The following SHANK2 variants were observed in gnomAD, a reference collection of about 807,000 sequenced individuals.
The protein encoded by SHANK2 is SH3 and multiple ankyrin repeat domains protein 2.
In SHANK2, 43 loss-of-function variants were observed where a neutral mutation model predicts 133.7. The ratio of observed to expected loss-of-function variants is 0.32; its 90% confidence interval spans 0.25 to 0.41. SHANK2 has a LOEUF of 0.41. SHANK2 is among the 10% of genes least tolerant of loss of function. SHANK2 has a pLI of 1.00. For synonymous variants in SHANK2, 1,017 were observed against 952.8 expected (o/e 1.07, Z -1.24); for missense variants, 1,994 against 2,235.8 (o/e 0.89, Z 2.18).
intron 9 of SHANK2, among the ~76,000 whole-genome samples, chr11:71,065,044 C>T (rs938940767): frequency 2.0e-5 from 3 of 152,076 alleles, no homozygotes; most frequent in Non-Finnish European, 4.4e-5. Context: ...AGTGCAGACG[C>T]CGAGAGATGC....
In SHANK2 at chr11:70,914,668, TAAATAAAATAAAATA is replaced by T. The variant is rs370532876; in HGVS notation, c.1108-18116_1108-18102del. Among the ~76,000 whole-genome samples the T allele has an allele frequency of 2.1e-3, 225 of 107,286 alleles. 1 individual carries two copies. Among genetic ancestry groups the T allele is most frequent in the African/African-American group, 7.9e-3 (215 of 27,112 alleles). 70.4% of individuals were successfully genotyped at this position (107,286 alleles called of 152,430 possible). The stretch of plus-strand genomic sequence containing the variant: ...AAGAACCCTACCTCTACAAAAAAAA[TAAATAAAATAAAATA>T]AAATAAAATAAAATAAAATAAAATA... On this transcript the variant is annotated intron_variant, in intron 10 of 25. Coordinates refer to ENST00000601538, the MANE Select transcript of SHANK2 (RefSeq NM_012309.5).
At chr11:70,817,490 G>C (rs565788332) in intron 12 of SHANK2, among the ~76,000 whole-genome samples, 1 of 152,210 alleles carries the variant, frequency 6.6e-6, no homozygotes, top group Non-Finnish European at 1.5e-5. Flanking sequence ...CACAGTTAGG[G>C]GGACTGGCTG....
intron 15 of SHANK2, among the ~76,000 whole-genome samples, chr11:70,680,272 G>A (rs12287794): frequency 0.06 from 9,104 of 152,198 alleles, 847 homozygotes; most frequent in African/African-American, 0.2. Flanking sequence ...GTCCTGTGAC[G>A]GCTGTAACAA....
At chr11:70,831,229 G>T (rs1555058342) in intron 11 of SHANK2, among the ~76,000 whole-genome samples, 1 of 152,102 alleles carries the variant, frequency 6.6e-6, no homozygotes, top group African/African-American at 2.4e-5. Flanking sequence ...TCTGTTTGTT[G>T]CCTGCCCGCA....
intron 11 of SHANK2, among the ~76,000 whole-genome samples, chr11:70,844,421 G>C (rs183508217): frequency 6.6e-6 from 1 of 152,178 alleles, no homozygotes; most frequent in Non-Finnish European, 1.5e-5. Context: ...CAGCATTCTC[G>C]ACAAGGGGAT....
chr11:71,200,629 T>A (rs1954000268), intron 2 of SHANK2, among the ~76,000 whole-genome samples: 1 of 152,152 alleles, frequency 6.6e-6, no homozygotes, highest in Admixed American at 6.5e-5. Context: ...TAACTTTTTT[T>A]AGGACTTGCC....
chr11:70,627,510 G>A (rs781948992), intron 17 of SHANK2, among the ~76,000 whole-genome samples: 2 of 152,168 alleles, frequency 1.3e-5, no homozygotes, highest in Non-Finnish European at 2.9e-5. Context: ...GCCTAACCCC[G>A]CTGTCCTGAC....
intron 2 of SHANK2, among the ~76,000 whole-genome samples, chr11:71,221,011 G>C (rs1954525498): frequency 6.6e-6 from 1 of 152,062 alleles, no homozygotes; most frequent in African/African-American, 2.4e-5. Context: ...GACCAGCCTG[G>C]CCAACATGGT....
intron 2 of SHANK2, among the ~76,000 whole-genome samples, chr11:71,205,012 C>A (rs1462297657): frequency 2.0e-5 from 3 of 152,096 alleles, no homozygotes; most frequent in African/African-American, 7.2e-5. Flanking sequence ...CCCTCACCTG[C>A]CCTCTCTCCT....
intron 17 of SHANK2, among the ~76,000 whole-genome samples, chr11:70,639,023 A>AAC (rs1555005335): frequency 5.9e-5 from 9 of 151,650 alleles, no homozygotes; most frequent in Non-Finnish European, 1.2e-4. Flanking sequence ...CAAAAAAAAA[A>AAC]CAAAAAAAAC....
At chr11:70,614,372 G>A (rs946398436) in intron 17 of SHANK2, among the ~76,000 whole-genome samples, 1 of 151,296 alleles carries the variant, frequency 6.6e-6, no homozygotes, top group South Asian at 2.1e-4. Flanking sequence ...GTGCAGTGGC[G>A]TGATCTCAGC....
chr11:70,627,663 G>A lies in SHANK2; in HGVS notation c.2061+32165C>T, dbSNP rs1282101815. Among the ~76,000 whole-genome samples the A allele has an allele frequency of 3.3e-5, 5 of 152,308 alleles. No homozygotes were observed. The East Asian group carries it at 9.7e-4, about 29-fold the overall frequency. ...CTGCACATATAATCACATATATCCT[G>A]GAGATGGGACCCAAGTCTAAATATG... On this transcript the variant is annotated intron_variant, in intron 17 of 25. Coordinates refer to ENST00000601538, the MANE Select transcript of SHANK2 (RefSeq NM_012309.5).
At chr11:70,667,184 C>T (rs1002318525) in intron 15 of SHANK2, among the ~76,000 whole-genome samples, 12 of 152,174 alleles carry the variant, frequency 7.9e-5, no homozygotes, top group Non-Finnish European at 2.9e-5. Context: ...GGGGTCTAGG[C>T]TGCCCTGGCC....
chr11:70,637,969 G>A (rs1337009113), intron 17 of SHANK2, among the ~76,000 whole-genome samples: 1 of 152,216 alleles, frequency 6.6e-6, no homozygotes, highest in Admixed American at 6.5e-5. Context: ...CAGGTTCTCG[G>A]GGAATGCTCA....
Position 70,865,366 on chromosome 11 carries a change from G to T in SHANK2, c.1174+31135C>A, listed in dbSNP as rs1283598845. On this transcript the variant is annotated intron_variant, in intron 11 of 25. Transcript: ENST00000601538. Reference sequence around the variant, plus strand: ...CAGAACTAGGCGACGTCTAAATTTAGCCTCACAAAGAATCTAGAGCACAGG... The same window carrying T: ...CAGAACTAGGCGACGTCTAAATTTATCCTCACAAAGAATCTAGAGCACAGG... Among the ~76,000 whole-genome samples the T allele has an allele frequency of 2.6e-5, 4 of 152,234 alleles. No homozygotes were observed. The East Asian group carries it at 7.7e-4, about 29-fold the overall frequency.
intron 11 of SHANK2, among the ~76,000 whole-genome samples, chr11:70,867,165 G>A (rs1433422597): frequency 6.6e-6 from 1 of 152,016 alleles, no homozygotes; most frequent in African/African-American, 2.4e-5. Context: ...TTGGGGTAGT[G>A]GATCCCCACT....
chr11:71,057,289 G>A (rs1036052109), intron 9 of SHANK2, among the ~76,000 whole-genome samples: 35 of 152,114 alleles, frequency 2.3e-4, no homozygotes, highest in African/African-American at 8.4e-4. Flanking sequence ...AGCCGAGATC[G>A]CACCCACTGC....
chr11:70,619,827 C>T (rs1284218821), intron 17 of SHANK2, among the ~76,000 whole-genome samples: 5 of 152,164 alleles, frequency 3.3e-5, no homozygotes, highest in African/African-American at 1.2e-4. Context: ...CAGCAAGGCC[C>T]TTGGATGCTG....
At position 70,549,872 on chromosome 11, in the gene SHANK2, G is replaced by A. The variant is rs1029314356; in HGVS notation, c.2062-46941C>T. Among the ~76,000 whole-genome samples the A allele has an allele frequency of 4.6e-5, 7 of 152,354 alleles. No individual in the cohort carries two copies. The Middle Eastern group carries it at 0.01, about 224-fold the overall frequency. On this transcript the variant is annotated intron_variant, in intron 17 of 25. Coordinates refer to ENST00000601538, the MANE Select transcript of SHANK2 (RefSeq NM_012309.5). ...GTTTTTCACCAGGCAAGGGGCTTGC[G>A]AAAGACACAGCGAAGCTCCGGTTCA...
Sources: allele counts gnomAD v4.1 joint callset (sites outside exome capture counted in the v4.1 genomes callset), GRCh38; gene constraint gnomAD v4.1.1; transcripts MANE v1.5; gene names NCBI Gene and HGNC (gene_info 2026-07-23, HGNC 2026-07-21).